LRP1: variants seen among roughly 807,000 people sequenced by gnomAD.
LRP1 encodes prolow-density lipoprotein receptor-related protein 1.
In LRP1, 51 loss-of-function variants were observed where a neutral mutation model predicts 541.5. The observed-to-expected ratio is 0.09, with a 90% CI of 0.08 to 0.12. LRP1 has a LOEUF of 0.12. Among genes scored for constraint, LRP1 ranks in the 10% least tolerant of loss-of-function variants. The probability of loss-of-function intolerance (pLI) is 1.00; values close to 1 mark genes in which losing one functional copy is unlikely to be tolerated. For synonymous variants in LRP1, 2,219 were observed against 2,470.8 expected (o/e 0.90, Z 3.02); for missense variants, 3,878 against 6,376.2 (o/e 0.61, Z 13.34).
rs776116731 is a variant in LRP1, at chr12:57,197,619, G to C, written c.9237G>C (p.Gln3079His). 7 of 1,614,040 alleles carry C rather than the reference G, an allele frequency of 4.3e-6. No individual in the cohort carries two copies. Among genetic ancestry groups the C allele is most frequent in the East Asian group, 4.5e-5 (2 of 44,866 alleles). ...QMIYWTDVTTQGSMIRRMHLN... is the reference protein window; with the variant it reads ...QMIYWTDVTTHGSMIRRMHLN... The stretch of plus-strand genomic sequence containing the variant: ...TCTACTGGACAGATGTGACCACCCA[G>C]GGCAGCATGATCCGAAGGATGCACC... Residue 3079 changes from glutamine to histidine, a missense_variant, in exon 58 of 89, where the codon CAG (glutamine) becomes CAC (histidine). Physicochemically the swap from Gln to His is conservative, Grantham distance 24. Around this residue, in one of 13 missense-constraint regions of LRP1, gnomAD observed 1,100 missense variants for 1,827.4 expected, o/e 0.60. Coordinates refer to ENST00000243077, the MANE Select transcript of LRP1 (RefSeq NM_002332.3). The surrounding 1 kb of genome is among the most constrained non-coding windows in gnomAD (Gnocchi z 4.5).
At position 57,156,839 on chromosome 12, in the gene LRP1, C is replaced by T. The variant is rs2035629441; in HGVS notation, c.1480C>T (p.Leu494=). The part of the protein sequence containing the change: ...GKPGGCSDIC[L]LANSHKARTC... ...GCCGGGTGGCTGCTCTGACATCTGC[C>T]TGCTGGCCAACAGCCACAAGGCGCG... is the stretch of plus-strand genomic sequence containing the variant. Residue 494 remains leucine, a synonymous_variant, in exon 10 of 89, where the codon CTG becomes TTG. Transcript: ENST00000243077. This position sits in a 1 kb window ranked among gnomAD's most constrained non-coding sequence, Gnocchi z 5.2. 3 of 1,606,608 alleles carry T rather than the reference C, an allele frequency of 1.9e-6. No individual in the cohort carries two copies. The highest frequency in any genetic ancestry group is 1.7e-6 in the Non-Finnish European group (2 of 1,178,192).
chr12:57,149,374 G>A (rs1215835993), intron 6 of LRP1: 7 of 509,124 alleles, frequency 1.4e-5, no homozygotes, highest in African/African-American at 9.7e-5. Flanking sequence ...CTCCTGGCCC[G>A]GGCCAGCCCT....
Position 57,180,755 on chromosome 12 carries a change from C to T in LRP1, c.5475C>T (p.Asn1825=), listed in dbSNP as rs530227941. ...GCTCGGGCTCCGTGGTCCTTCGGAA[C>T]AGCACCACCCTGGTGATGCACATGA... is the stretch of plus-strand genomic sequence containing the variant. ...ADGSGSVVLR[N]STTLVMHMKV... The change falls in exon 33 of 89, where the codon AAC becomes AAT. Residue 1825 remains asparagine (N), a synonymous_variant. Coordinates refer to ENST00000243077, the MANE Select transcript of LRP1 (RefSeq NM_002332.3). 2.1e-5 allele frequency: 34 copies of T among 1,614,064 alleles called. 1 individual carries two copies. The South Asian group carries it at 3.4e-4, about 16-fold the overall frequency.
Position 57,177,174 on chromosome 12 carries a change from G to C in LRP1, c.4125G>C (p.Gly1375=), listed in dbSNP as rs1227976935. Residue 1375 remains glycine, a synonymous_variant, in exon 25 of 89, where the codon GGG becomes GGC. Transcript: ENST00000243077. This position sits in a 1 kb window ranked among gnomAD's most constrained non-coding sequence, Gnocchi z 6.8. The stretch of plus-strand genomic sequence containing the variant: ...AGATCGAGGTGGCCAAGCTGGATGG[G>C]ACCCTCCGGACCACCCTGCTGGCCG... The part of the protein sequence containing the change: ...LDQIEVAKLD[G]TLRTTLLAGD... 2.5e-6 allele frequency: 4 copies of C among 1,614,192 alleles called. No individual in the cohort carries two copies. In the South Asian group the frequency reaches 4.4e-5, roughly 18 times the overall value.
intron 42 of LRP1, among the ~76,000 whole-genome samples, chr12:57,190,530 C>G (rs975670121): frequency 2.0e-5 from 3 of 152,226 alleles, no homozygotes; most frequent in African/African-American, 7.2e-5. Context: ...TGCACCGGCT[C>G]TCTTCTCAGC....
Position 57,183,832 on chromosome 12 carries a change from G to A in LRP1, c.5852G>A (p.Arg1951Gln). ...CTGAGCACGATCAGCCGGGCCAAGC[G>A]GGACCAGACGTGGCGTGAAGACGTG... is the stretch of plus-strand genomic sequence containing the variant. ...MGLSTISRAK[R>Q]DQTWREDVVT... is the part of the protein sequence containing the mutation. The change falls in exon 36 of 89, where the codon CGG becomes CAG. Residue 1951 changes from arginine (R) to glutamine (Q), a missense_variant. By Grantham distance (43) the Arg-to-Gln change is conservative (BLOSUM62 1). Transcript: ENST00000243077. This position sits in a 1 kb window ranked among gnomAD's most constrained non-coding sequence, Gnocchi z 6.1. The A allele has an allele frequency of 2.5e-6, 4 of 1,614,194 alleles. No homozygotes were observed. The highest frequency in any genetic ancestry group is 3.4e-6 in the Non-Finnish European group (4 of 1,180,044).
chr12:57,193,785 G>C, intron 47 of LRP1, 100 bp downstream of exon 47: 1 of 1,605,924 alleles, frequency 6.2e-7, no homozygotes, highest in South Asian at 1.1e-5. Context: ...TCTGGTTCAA[G>C]GCACTCTGTG....
At chr12:57,207,328 A>T (rs1012453752) in intron 76 of LRP1, among the ~76,000 whole-genome samples, 1 of 146,808 alleles carries the variant, frequency 6.8e-6, no homozygotes, top group African/African-American at 2.5e-5. Flanking sequence ...TAAATAAAAT[A>T]AAATAAAATA....
At chr12:57,192,623 G>A (rs755390583) in intron 44 of LRP1, among the ~76,000 whole-genome samples, 12 of 152,168 alleles carry the variant, frequency 7.9e-5, no homozygotes, top group Non-Finnish European at 1.5e-4. Context: ...CTGCCTAAAA[G>A]CACACACATC....
rs1429334516 is a variant in LRP1, at chr12:57,178,398, C to A, written c.4401C>A (p.Gly1467=). The stretch of plus-strand genomic sequence containing the variant: ...ACTCAGCCCGTTACGACGGCTCTGG[C>A]CACATGGAGGTGCTTCGGGGACACG... ...AIYSARYDGS[G]HMEVLRGHEF... Residue 1467 remains glycine (G), a synonymous_variant, in exon 27 of 89, where the codon GGC becomes GGA. Coordinates refer to ENST00000243077, the MANE Select transcript of LRP1 (RefSeq NM_002332.3). The surrounding 1 kb of genome is among the most constrained non-coding windows in gnomAD (Gnocchi z 5.8). The A allele has an allele frequency of 6.2e-7, 1 of 1,614,182 alleles. No individual in the cohort carries two copies. The highest frequency in any genetic ancestry group is 1.1e-5 in the South Asian group (1 of 91,086).
In LRP1 at chr12:57,128,747, G is replaced by A. The variant is rs1023109100; in HGVS notation, c.-218G>A. 28 of 440,858 alleles carry A rather than the reference G, an allele frequency of 6.4e-5. No individual in the cohort carries two copies. Among genetic ancestry groups the A allele is most frequent in the Non-Finnish European group, 9.4e-5 (23 of 245,432 alleles). The allele number at this position is 440,858 out of a possible 1,614,324, so 27.3% of individuals were successfully genotyped here. ...GGGTGGGGTGAAGGGTTTGGATTTC[G>A]GGGCAGGGGGCGCACCCCCGTCAGC... On this transcript the variant is annotated 5_prime_UTR_variant, in exon 1 of 89. Coordinates refer to ENST00000243077, the MANE Select transcript of LRP1 (RefSeq NM_002332.3).
Position 57,158,467 on chromosome 12 carries a change from A to G in LRP1, c.1627A>G (p.Met543Val), listed in dbSNP as rs765092441. 10 of 1,614,134 alleles carry G rather than the reference A, an allele frequency of 6.2e-6. 1 individual carries two copies. The South Asian group carries it at 1.1e-4, about 18-fold the overall frequency. The change falls in exon 11 of 89, where the codon ATG (methionine) becomes GTG (valine). Residue 543 changes from methionine (M) to valine (V), a missense_variant. This residue lies in a region of LRP1 where 496 missense variants were observed against 861.0 expected (regional missense o/e 0.58). Coordinates refer to ENST00000243077, the MANE Select transcript of LRP1 (RefSeq NM_002332.3). The surrounding 1 kb of genome is among the most constrained non-coding windows in gnomAD (Gnocchi z 5.3). ...GCCAGGCATCATCCGGGGCATGGAT[A>G]TGGGGGCCAAGGTCCCGGATGAGCA... is the stretch of plus-strand genomic sequence containing the variant. ...GRPGIIRGMD[M>V]GAKVPDEHMI... is the part of the protein sequence containing the mutation.
intron 62 of LRP1, 52 bp from the exon 63 acceptor site, chr12:57,200,390 T>C: frequency 9.1e-7 from 1 of 1,101,158 alleles, no homozygotes. Flanking sequence ...AAGAAAGACT[T>C]CTGAGTCCCC....
Position 57,191,451 on chromosome 12 carries a change from G to A in LRP1, c.7368G>A (p.Leu2456=), listed in dbSNP as rs760765047. ...NKHVGSNMKL[L]RVDIPQQPMG... ...ACGTGGGCAGCAACATGAAGCTGCT[G>A]CGCGTGGACATCCCCCAGCAGCCCA... The change falls in exon 44 of 89, where the codon CTG becomes CTA. Residue 2456 remains leucine, a synonymous_variant. Coordinates refer to ENST00000243077, the MANE Select transcript of LRP1 (RefSeq NM_002332.3). The A allele has an allele frequency of 3.7e-6, 6 of 1,612,120 alleles. No homozygotes were observed. Among genetic ancestry groups the A allele is most frequent in the Admixed American group, 1.7e-5 (1 of 59,948 alleles).
intron 10 of LRP1, among the ~76,000 whole-genome samples, chr12:57,157,122 C>A (rs1423332968): frequency 6.6e-6 from 1 of 152,224 alleles, no homozygotes; most frequent in African/African-American, 2.4e-5. Flanking sequence ...CCGGACTCTG[C>A]AGAAAACTAA....
intron 2 of LRP1, among the ~76,000 whole-genome samples, chr12:57,139,610 T>G (rs566678589): frequency 6.6e-6 from 1 of 152,276 alleles, no homozygotes; most frequent in African/African-American, 2.4e-5. Flanking sequence ...AAACCTCACC[T>G]TATATGCATT....
intron 2 of LRP1, among the ~76,000 whole-genome samples, chr12:57,139,308 T>C (rs948844132): frequency 6.6e-6 from 1 of 152,138 alleles, no homozygotes; most frequent in Non-Finnish European, 1.5e-5. Flanking sequence ...CAGTCCCATC[T>C]GGTGTCCTGT....
chr12:57,176,180 C>A, intron 24 of LRP1, 74 bp downstream of exon 24: 3 of 1,471,812 alleles, frequency 2.0e-6, no homozygotes, highest in Non-Finnish European at 1.9e-6. Flanking sequence ...AGGTCCCATC[C>A]AAGTGGCCCC....
chr12:57,145,032 C>T lies in LRP1; in HGVS notation c.509C>T (p.Ser170Phe). 6.2e-7 allele frequency: 1 copy of T among 1,614,070 alleles called. No individual in the cohort carries two copies. The highest frequency in any genetic ancestry group is 8.5e-7 in the Non-Finnish European group (1 of 1,180,024). The stretch of plus-strand genomic sequence containing the variant: ...CAGCTATGCACCAACACAGACGGCT[C>T]CTTCATATGTGGCTGTGTTGAAGGA... ...CSQLCTNTDG[S>F]FICGCVEGYL... Residue 170 changes from serine to phenylalanine, a missense_variant, in exon 5 of 89, where the codon TCC becomes TTC. Physicochemically the swap from Ser to Phe is radical, Grantham distance 155. This residue lies in a region of LRP1 where 293 missense variants were observed against 403.7 expected (regional missense o/e 0.73). Transcript: ENST00000243077.
Sources: allele counts gnomAD v4.1 joint callset (sites outside exome capture counted in the v4.1 genomes callset), GRCh38; gene constraint gnomAD v4.1.1; regional missense constraint gnomAD v4.1.1; non-coding constraint Gnocchi (gnomAD v3.1); transcripts MANE v1.5; gene names NCBI Gene and HGNC (gene_info 2026-07-23, HGNC 2026-07-21).